The following FNTB variants were observed in gnomAD, a reference collection of about 807,000 sequenced individuals.
FNTB encodes farnesyltransferase, CAAX box, subunit beta.
A neutral mutation model predicts 59.4 loss-of-function variants in FNTB; 27 were observed. The ratio of observed to expected loss-of-function variants is 0.45; its 90% CI spans 0.34 to 0.63. The LOEUF is 0.63. Ranked by LOEUF, FNTB falls within the 20% of genes least tolerant of loss-of-function variation. The pLI is 0.02. For missense variants in FNTB, 449 were observed against 559.6 expected (o/e 0.80, Z 1.99); for synonymous variants, 230 against 220.7 (o/e 1.04, Z -0.37).
chr14:64,988,518 T>TC (rs1888047887), intron 1 of FNTB, among the ~76,000 whole-genome samples: 1 of 139,188 alleles, frequency 7.2e-6, no homozygotes, highest in African/African-American at 2.7e-5. Flanking sequence ...TACTGCACCC[T>TC]CCGCCTCCCG....
intron 9 of FNTB, 191 bp from the exon 10 acceptor site, chr14:65,053,047 A>T (rs1309380379): frequency 2.6e-6 from 1 of 382,594 alleles, no homozygotes; most frequent in African/African-American, 2.1e-5. Flanking sequence ...GCTCTTTGAC[A>T]CATGTCAAAG....
chr14:65,009,643 A>G lies in FNTB; in HGVS notation c.210-2674A>G, dbSNP rs1001895789. On this transcript the variant is annotated intron_variant, in intron 2 of 11. Coordinates refer to ENST00000246166, the MANE Select transcript of FNTB (RefSeq NM_002028.4). The surrounding 1 kb of genome is among the most constrained non-coding windows in gnomAD (Gnocchi z 4.2). Reference sequence around the variant, plus strand: ...TCCATCCTCTTTACAGACCTTCCCTATGGATTTCCTCTGAGCTTTTGCATT... The same window carrying G: ...TCCATCCTCTTTACAGACCTTCCCTGTGGATTTCCTCTGAGCTTTTGCATT... 4.0e-5 allele frequency among the ~76,000 whole-genome samples: 6 copies of G among 151,872 alleles called. No homozygotes were observed. Among genetic ancestry groups the G allele is most frequent in the African/African-American group, 1.5e-4 (6 of 41,314 alleles).
rs1231356008 is a variant in FNTB at position 65,023,890 on chromosome 14, C to G, written c.375-3563C>G. Among the ~76,000 whole-genome samples, 1 of 152,034 alleles carries G rather than the reference C, an allele frequency of 6.6e-6. No homozygotes were observed. The highest frequency in any genetic ancestry group is 6.6e-5 in the Admixed American group (1 of 15,254). ...CCAAGGCGGGCGGATTGTCTGAGCT[C>G]GGGAGTTCGAGACCAGCCTGGGCAA... is the stretch of plus-strand genomic sequence containing the variant. On this transcript the variant is annotated intron_variant, in intron 4 of 11. Transcript: ENST00000246166. The surrounding 1 kb of genome is among the most constrained non-coding windows in gnomAD (Gnocchi z 4.1).
intron 11 of FNTB, among the ~76,000 whole-genome samples, chr14:65,056,245 TATTCATTTTA>T (rs1385874121): frequency 6.6e-6 from 1 of 152,238 alleles, no homozygotes; most frequent in Non-Finnish European, 1.5e-5. Flanking sequence ...TGCTCCAGTT[TATTCATTTTA>T]ACTATTATAT....
intron 11 of FNTB, among the ~76,000 whole-genome samples, chr14:65,056,885 T>A (rs903160827): frequency 3.9e-5 from 6 of 152,202 alleles, no homozygotes; most frequent in Admixed American, 3.9e-4. Flanking sequence ...TTCTATAGAC[T>A]GAGAAATTCA....
chr14:65,015,893 T>A (rs1289300985), intron 4 of FNTB, among the ~76,000 whole-genome samples, 177 bp downstream of exon 4: 2 of 152,212 alleles, frequency 1.3e-5, no homozygotes, highest in South Asian at 4.1e-4. Context: ...AGAAAACTAA[T>A]GTAAGCTGGT....
Position 65,044,552 on chromosome 14 carries a change from T to G in FNTB, c.955+109T>G. 6.8e-7 allele frequency: 1 copy of G among 1,478,442 alleles called. No homozygotes were observed. The highest frequency in any genetic ancestry group is 1.4e-5 in the South Asian group (1 of 69,388). The allele number at this position is 1,478,442 out of a possible 1,614,324, so 91.6% of individuals were successfully genotyped here. On this transcript the variant is annotated intron_variant, in intron 9 of 11. Transcript: ENST00000246166. This position sits in a 1 kb window ranked among gnomAD's most constrained non-coding sequence, Gnocchi z 5.5. ...GAGGGGTTGAAATGAGCTCTGTCTA[T>G]CCTGGATTTTGAGTGCCCAGTGTGG...
At chr14:65,018,801 C>T (rs1309961625) in intron 4 of FNTB, among the ~76,000 whole-genome samples, 1 of 127,286 alleles carries the variant, frequency 7.9e-6, no homozygotes, top group African/African-American at 3.0e-5. Context: ...CAGAGTGAGA[C>T]TCTGTCTTAA....
At chr14:65,000,746 G>A (rs567800665) in intron 1 of FNTB, among the ~76,000 whole-genome samples, 16 of 147,922 alleles carry the variant, frequency 1.1e-4, no homozygotes, top group African/African-American at 4.0e-4. Context: ...CTTGAACCCA[G>A]GAGGTGGAGG....
At position 65,044,373 on chromosome 14, in the gene FNTB, G is replaced by C. The variant is rs1423445728; in HGVS notation, c.885G>C (p.Leu295=). 14 of 1,613,360 alleles carry C rather than the reference G, an allele frequency of 8.7e-6. No individual in the cohort carries two copies. The highest frequency in any genetic ancestry group is 1.1e-5 in the Non-Finnish European group (13 of 1,179,824). Residue 295 remains leucine (L), a synonymous_variant, in exon 9 of 12, where the codon CTG becomes CTC. Transcript: ENST00000246166. This position sits in a 1 kb window ranked among gnomAD's most constrained non-coding sequence, Gnocchi z 5.5. ...GATTTCAGGGCCGCTGCAACAAGCT[G>C]GTGGATGGCTGCTACTCCTTCTGGC... is the stretch of plus-strand genomic sequence containing the variant. ...EGGFQGRCNK[L]VDGCYSFWQA...
At chr14:65,059,569 G>T (rs182233272) in intron 11 of FNTB, among the ~76,000 whole-genome samples, 36 of 152,006 alleles carry the variant, frequency 2.4e-4, no homozygotes, top group African/African-American at 7.5e-4. Context: ...CTGAATTTTT[G>T]TATGTTTCAG....
intron 1 of FNTB, among the ~76,000 whole-genome samples, chr14:64,992,520 C>T (rs910718541): frequency 3.3e-5 from 5 of 152,186 alleles, no homozygotes; most frequent in African/African-American, 4.8e-5. Flanking sequence ...TGTGGATTTC[C>T]GGACCACATG....
At chr14:64,992,950 C>G (rs1259769261) in intron 1 of FNTB, among the ~76,000 whole-genome samples, 3 of 152,146 alleles carry the variant, frequency 2.0e-5, no homozygotes, top group African/African-American at 4.8e-5. Flanking sequence ...ATCCTTCCAC[C>G]TCAGCCTCTT....
intron 1 of FNTB, among the ~76,000 whole-genome samples, chr14:64,995,997 C>T (rs553287148): frequency 3.0e-4 from 46 of 151,558 alleles, no homozygotes; most frequent in African/African-American, 1.0e-3. Flanking sequence ...GTGGCAGGCA[C>T]CTGTAGTCCC....
chr14:65,010,376 T>G (rs535536570), intron 2 of FNTB, among the ~76,000 whole-genome samples: 1 of 152,244 alleles, frequency 6.6e-6, no homozygotes, highest in Non-Finnish European at 1.5e-5. Context: ...GTGTGTAACC[T>G]GAATCCCTCT....
chr14:65,045,931 C>T (rs2062466757), intron 9 of FNTB, among the ~76,000 whole-genome samples: 1 of 152,218 alleles, frequency 6.6e-6, no homozygotes, highest in East Asian at 1.9e-4. Flanking sequence ...TGCACAGTCT[C>T]TGCCTTGACC....
At chr14:65,059,333 CT>C (rs549995463) in intron 11 of FNTB, among the ~76,000 whole-genome samples, 68 of 146,652 alleles carry the variant, frequency 4.6e-4, no homozygotes, top group Non-Finnish European at 6.7e-4. Context: ...GCACTAGCCC[CT>C]TTTTTTTTTT....
rs1595053198 is a variant in FNTB, at chr14:65,027,780, A to G, written c.604A>G (p.Arg202Gly). Residue 202 changes from arginine to glycine, a missense_variant and splice_region_variant, in exon 6 of 12, where the codon AGA becomes GGA. Arg to Gly is a moderately radical substitution (Grantham distance 125). Coordinates refer to ENST00000246166, the MANE Select transcript of FNTB (RefSeq NM_002028.4). This position sits in a 1 kb window ranked among gnomAD's most constrained non-coding sequence, Gnocchi z 5.7. Reference sequence around the variant, plus strand: ...GCATGTCGGAGGTGAGGTGGATGTGAGGTGAGTGGGGTTTTGCACAGGCTG... The same window carrying G: ...GCATGTCGGAGGTGAGGTGGATGTGGGGTGAGTGGGGTTTTGCACAGGCTG... ...LMHVGGEVDV[R>G]SAYCAASVAS... 6.2e-7 allele frequency: 1 copy of G among 1,614,034 alleles called. No individual in the cohort carries two copies. Among genetic ancestry groups the G allele is most frequent in the Non-Finnish European group, 8.5e-7 (1 of 1,180,012 alleles).
chr14:65,054,447 C>A lies in FNTB; in HGVS notation c.1068-128C>A. 2.2e-6 allele frequency: 2 copies of A among 923,588 alleles called. No homozygotes were observed. The highest frequency in any genetic ancestry group is 1.6e-6 in the Non-Finnish European group (1 of 615,560). 57.2% of individuals were successfully genotyped at this position (923,588 alleles called of 1,614,324 possible). Reference sequence around the variant, plus strand: ...AATAACACTGCTGGGAAAACCATGCCTCCTCTAGCCACATGGAGGATGGGG... The same window carrying A: ...AATAACACTGCTGGGAAAACCATGCATCCTCTAGCCACATGGAGGATGGGG... On this transcript the variant is annotated intron_variant, in intron 10 of 11. Coordinates refer to ENST00000246166, the MANE Select transcript of FNTB (RefSeq NM_002028.4). This position sits in a 1 kb window ranked among gnomAD's most constrained non-coding sequence, Gnocchi z 4.4.
Sources: allele counts gnomAD v4.1 joint callset (sites outside exome capture counted in the v4.1 genomes callset), GRCh38; gene constraint gnomAD v4.1.1; non-coding constraint Gnocchi (gnomAD v3.1); transcripts MANE v1.5; gene names NCBI Gene and HGNC (gene_info 2026-07-23, HGNC 2026-07-21).